ZSWIM4: variants seen among roughly 807,000 people sequenced by gnomAD.
The protein encoded by ZSWIM4 is zinc finger SWIM domain-containing protein 4.
A neutral mutation model predicts 102.5 loss-of-function variants in ZSWIM4; 62 were observed. The ratio of observed to expected loss-of-function variants is 0.60; its 90% CI spans 0.49 to 0.75. ZSWIM4 has a LOEUF of 0.75. Among genes scored for constraint, ZSWIM4 ranks in the 30% least tolerant of loss-of-function variants. ZSWIM4 has a pLI of 0.00. For missense variants in ZSWIM4, 1,280 were observed against 1,529.6 expected, an observed-to-expected ratio of 0.84 and a Z score of 2.72; for synonymous variants, 652 against 674.5, an observed-to-expected ratio of 0.97 and a Z score of 0.52.
In ZSWIM4 at chr19:13,825,724, C is replaced by T. The variant is rs769492579; in HGVS notation, c.2379+11C>T. The T allele has an allele frequency of 3.1e-6, 5 of 1,602,760 alleles. No homozygotes were observed. Among genetic ancestry groups the T allele is most frequent in the Non-Finnish European group, 4.2e-6 (5 of 1,177,240 alleles). On this transcript the variant is annotated intron_variant, in intron 12 of 13. Transcript: ENST00000590508. The surrounding 1 kb of genome is among the most constrained non-coding windows in gnomAD (Gnocchi z 4.6). ...GAGCTGGGGCTGCAGGTGAGGGCTG[C>T]CAGGTGGATGCGGGAGGGCGATGGT...
At chr19:13,801,594 A>G (rs906876449) in intron 2 of ZSWIM4, among the ~76,000 whole-genome samples, 1 of 152,120 alleles carries the variant, frequency 6.6e-6, no homozygotes, top group African/African-American at 2.4e-5. Context: ...TCAAAGGCTT[A>G]GAGCTATTGT....
chr19:13,822,843 G>A (rs1218828971), intron 10 of ZSWIM4, among the ~76,000 whole-genome samples: 1 of 152,130 alleles, frequency 6.6e-6, no homozygotes, highest in Non-Finnish European at 1.5e-5. Context: ...GCCAGGTGTG[G>A]TAGTACACGC....
chr19:13,800,190 G>C (rs1478683768), intron 2 of ZSWIM4, among the ~76,000 whole-genome samples: 2 of 124,762 alleles, frequency 1.6e-5, no homozygotes, highest in South Asian at 5.8e-4. Context: ...TCAGCCTCCC[G>C]AGTAGCTGGG....
chr19:13,813,483 T>A (rs1415215077), intron 6 of ZSWIM4, among the ~76,000 whole-genome samples: 1 of 149,436 alleles, frequency 6.7e-6, no homozygotes, highest in African/African-American at 2.5e-5. Flanking sequence ...AAAGGAGGAA[T>A]CAAACAGAAG....
rs375271459 is a variant in ZSWIM4 at position 13,809,032 on chromosome 19, C to T, written c.862-38C>T. 7.5e-6 allele frequency: 12 copies of T among 1,605,436 alleles called. No individual in the cohort carries two copies. Among genetic ancestry groups the T allele is most frequent in the Non-Finnish European group, 1.0e-5 (12 of 1,173,938 alleles). ...GCGGGGTGCAGAAGGCCCCGGCGGA[C>T]GCCCCAGCCCTTCCTCACCACCCTG... On this transcript the variant is annotated intron_variant, in intron 4 of 13. Transcript: ENST00000590508. The surrounding 1 kb of genome is among the most constrained non-coding windows in gnomAD (Gnocchi z 4.2).
At chr19:13,810,316 G>A (rs1303109516) in intron 5 of ZSWIM4, among the ~76,000 whole-genome samples, 2 of 143,580 alleles carry the variant, frequency 1.4e-5, no homozygotes, top group African/African-American at 2.6e-5. Context: ...TTTTTGACAC[G>A]GACTCTCACC....
chr19:13,804,730 G>A, intron 2 of ZSWIM4, 62 bp from the exon 3 acceptor site: 14 of 1,408,902 alleles, frequency 9.9e-6, no homozygotes, highest in South Asian at 1.3e-5. Flanking sequence ...GTCTTGCTGT[G>A]TACCACAAAC....
In ZSWIM4 at chr19:13,814,621, G is replaced by C. The variant is rs1483140298; in HGVS notation, c.1287G>C (p.Arg429Ser). The C allele has an allele frequency of 3.2e-6, 4 of 1,249,964 alleles. No homozygotes were observed. The African/African-American group carries it at 6.1e-5, about 19-fold the overall frequency. The allele number at this position is 1,249,964 out of a possible 1,614,324, so 77.4% of individuals were successfully genotyped here. A position where few individuals can be genotyped will look rare whatever the true frequency, so the allele number is the denominator to read the frequency against. Residue 429 changes from arginine to serine, a missense_variant, in exon 7 of 14, where the codon AGG (arginine) becomes AGC (serine). Transcript: ENST00000590508. ...ELHWNDAYLQ[R>S]ILASDSYGPS... ...ACTGGAATGACGCCTACCTGCAGAGGATCCTGGCCAGTGACTCCTACGGGC... is the reference window on the plus strand; with the variant it reads ...ACTGGAATGACGCCTACCTGCAGAGCATCCTGGCCAGTGACTCCTACGGGC...
At position 13,830,495 on chromosome 19, in the gene ZSWIM4, C is replaced by A; in HGVS notation, c.2766C>A (p.Leu922=). Residue 922 remains leucine (L), a synonymous_variant, in exon 14 of 14, where the codon CTC becomes CTA. Transcript: ENST00000590508. The stretch of plus-strand genomic sequence containing the variant: ...CCGGCGGCCTGGGCCACGCCCACCT[C>A]TTCACTGTGGCCCGCTATATGGAGC... ...AAAGGLGHAH[L]FTVARYMEHR... 2 of 1,601,028 alleles carry A rather than the reference C, an allele frequency of 1.2e-6. No individual in the cohort carries two copies. The highest frequency in any genetic ancestry group is 1.7e-6 in the Non-Finnish European group (2 of 1,179,602).
intron 13 of ZSWIM4, among the ~76,000 whole-genome samples, chr19:13,829,120 G>C (rs1179315827): frequency 6.7e-6 from 1 of 149,838 alleles, no homozygotes. Flanking sequence ...AAAAAAGAGA[G>C]AGAGAGAGAG....
At chr19:13,822,613 C>T (rs1192720326) in intron 10 of ZSWIM4, among the ~76,000 whole-genome samples, 1 of 152,076 alleles carries the variant, frequency 6.6e-6, no homozygotes, top group Non-Finnish European at 1.5e-5. Context: ...GAGGCCAAGA[C>T]GGGCGGATCA....
rs1975342092 is a variant in ZSWIM4 at position 13,817,872 on chromosome 19, A to G, written c.1820A>G (p.Lys607Arg). 8.4e-6 allele frequency: 13 copies of G among 1,554,094 alleles called. No homozygotes were observed. Among genetic ancestry groups the G allele is most frequent in the African/African-American group, 1.4e-5 (1 of 73,584 alleles). The change falls in exon 9 of 14, where the codon AAG becomes AGG. Residue 607 changes from lysine (K) to arginine (R), a missense_variant. By Grantham distance (26) the Lys-to-Arg change is conservative. Coordinates refer to ENST00000590508, the MANE Select transcript of ZSWIM4 (RefSeq NM_001367834.3). Reference protein sequence around the residue: ...ALPEGLYAQDKVVRNEEQLLA... With the variant: ...ALPEGLYAQDRVVRNEEQLLA... ...CCGGAGGGGCTGTACGCCCAGGACA[A>G]GGTGGTGCGCAACGAGGAGCAGCTG...
intron 5 of ZSWIM4, among the ~76,000 whole-genome samples, chr19:13,812,713 G>A (rs903222363): frequency 1.3e-5 from 2 of 149,784 alleles, no homozygotes; most frequent in African/African-American, 2.5e-5. Context: ...CAGGTGATCC[G>A]CCTGCCTCAG....
In ZSWIM4 at chr19:13,830,539, G is replaced by A. The variant is rs532104766; in HGVS notation, c.2810G>A (p.Arg937Gln). The change falls in exon 14 of 14, where the codon CGG becomes CAG. Residue 937 changes from arginine (R) to glutamine (Q), a missense_variant. Transcript: ENST00000590508. ...RYMEHRGLPL[R>Q]AYKLATLALA... ...ATGGAGCACCGCGGGCTGCCGCTCCGGGCCTACAAGCTGGCGACGCTGGCC... is the reference window on the plus strand; with the variant it reads ...ATGGAGCACCGCGGGCTGCCGCTCCAGGCCTACAAGCTGGCGACGCTGGCC... 132 of 1,599,496 alleles carry A rather than the reference G, an allele frequency of 8.3e-5. No homozygotes were observed. In the Admixed American group the frequency reaches 2.1e-3, roughly 26 times the overall value.
chr19:13,808,879 C>A lies in ZSWIM4; in HGVS notation c.756C>A (p.Asn252Lys). The change falls in exon 4 of 14, where the codon AAC (asparagine) becomes AAA (lysine). Residue 252 changes from asparagine to lysine, a missense_variant. By Grantham distance (94) the Asn-to-Lys change is moderately conservative. Coordinates refer to ENST00000590508, the MANE Select transcript of ZSWIM4 (RefSeq NM_001367834.3). The stretch of plus-strand genomic sequence containing the variant: ...CCGGCGCAGGAATCGAGGACGCCAA[C>A]TGCTGGCACCTGGACGAGGAGCAGA... ...PTAGAGIEDA[N>K]CWHLDEEQIQ... 1 of 1,612,266 alleles carries A rather than the reference C, an allele frequency of 6.2e-7. No homozygotes were observed. Among genetic ancestry groups the A allele is most frequent in the Non-Finnish European group, 8.5e-7 (1 of 1,179,298 alleles).
At chr19:13,813,488 CAG>C (rs1358323029) in intron 6 of ZSWIM4, among the ~76,000 whole-genome samples, 1 of 151,328 alleles carries the variant, frequency 6.6e-6, no homozygotes, top group East Asian at 1.9e-4. Flanking sequence ...AGGAATCAAA[CAG>C]AAGGGGAAAG....
At position 13,814,060 on chromosome 19, in the gene ZSWIM4, C is replaced by CTTTTT. The variant is rs869279797; in HGVS notation, c.1181-443_1181-439dup. The stretch of plus-strand genomic sequence containing the variant: ...CTAGCTCCTAACACATACACGCATC[C>CTTTTT]TTTTTTTTTTTTTTTTGAGACAGTC... On this transcript the variant is annotated intron_variant, in intron 6 of 13. Coordinates refer to ENST00000590508, the MANE Select transcript of ZSWIM4 (RefSeq NM_001367834.3). 5.8e-3 allele frequency among the ~76,000 whole-genome samples: 800 copies of CTTTTT among 138,140 alleles called. 13 individuals are homozygous for CTTTTT. Among genetic ancestry groups the CTTTTT allele is most frequent in the African/African-American group, 0.02 (752 of 36,960 alleles). 90.6% of individuals were successfully genotyped at this position (138,140 alleles called of 152,430 possible).
chr19:13,824,365 C>CAGCAAATCACTTGAGGCCAAA (rs1163926140), intron 11 of ZSWIM4, among the ~76,000 whole-genome samples: 2 of 151,728 alleles, frequency 1.3e-5, no homozygotes, highest in Admixed American at 1.3e-4. Flanking sequence ...AGTTCGGGAC[C>CAGCAAATCACTTGAGGCCAAA]AGCAAATCAC....
chr19:13,795,559 C>T lies in ZSWIM4; in HGVS notation c.-90C>T, dbSNP rs1303145636. The T allele has an allele frequency of 4.5e-6, 1 of 220,278 alleles. No individual in the cohort carries two copies. Among genetic ancestry groups the T allele is most frequent in the East Asian group, 1.1e-4 (1 of 8,788 alleles). The allele number at this position is 220,278 out of a possible 1,614,324, so 13.6% of individuals were successfully genotyped here. ...CGCAGAGGACGGACGGGAAGGAGGGCAGGGGGCGCGGGAGCCGGCGAAGCG... is the reference window on the plus strand; with the variant it reads ...CGCAGAGGACGGACGGGAAGGAGGGTAGGGGGCGCGGGAGCCGGCGAAGCG... On this transcript the variant is annotated 5_prime_UTR_variant, in exon 1 of 14. Coordinates refer to ENST00000590508, the MANE Select transcript of ZSWIM4 (RefSeq NM_001367834.3).
Sources: gnomAD v4.1 joint callset for allele counts (sites outside exome capture counted in the v4.1 genomes callset) on GRCh38, gnomAD v4.1.1 for gene constraint, Gnocchi (gnomAD v3.1) non-coding constraint, MANE v1.5 for transcripts, NCBI Gene and HGNC (gene_info 2026-07-23, HGNC 2026-07-21) for gene names.